The following THSD4 variants were observed in gnomAD, a reference collection of about 807,000 sequenced individuals.
THSD4 encodes the protein thrombospondin type-1 domain-containing protein 4.
A neutral mutation model predicts 119.0 loss-of-function variants in THSD4; 69 were observed. The observed-to-expected ratio is 0.58, with a 90% CI of 0.48 to 0.71. The LOEUF is 0.71. Ranked by LOEUF, THSD4 falls within the 30% of genes least tolerant of loss-of-function variation. THSD4 has a pLI of 0.00. For missense variants in THSD4, 1,393 were observed against 1,391.1 expected, an observed-to-expected ratio of 1.00 and a Z score of -0.02; for synonymous variants, 524 against 540.4, an observed-to-expected ratio of 0.97 and a Z score of 0.42.
chr15:71,782,582 C>T lies in THSD4; in HGVS notation c.*5208C>T, dbSNP rs2054014645. 6.6e-6 allele frequency: 1 copy of T among 152,220 alleles called. No individual in the cohort carries two copies. The highest frequency in any genetic ancestry group is 2.1e-4 in the South Asian group (1 of 4,834). 9.4% of individuals were successfully genotyped at this position (152,220 alleles called of 1,614,324 possible). A position where few individuals can be genotyped will look rare whatever the true frequency, so the allele number is the denominator to read the frequency against. On this transcript the variant is annotated 3_prime_UTR_variant, in exon 18 of 18. Coordinates refer to ENST00000261862, the MANE Select transcript of THSD4 (RefSeq NM_024817.3). ...GGTATTTATTTACATATGCGATCCA[C>T]ATTTGTGTGAAAGCATGTGATCATA... is the stretch of plus-strand genomic sequence containing the variant.
chr15:71,182,931 G>C (rs1204850507), intron 3 of THSD4, among the ~76,000 whole-genome samples: 1 of 151,696 alleles, frequency 6.6e-6, no homozygotes. Context: ...TTATACATTT[G>C]ATGCATGCTT....
At chr15:71,727,567 TATATATATATATATATATATACAC>T (rs1567121957) in intron 8 of THSD4, among the ~76,000 whole-genome samples, 4 of 91,954 alleles carry the variant, frequency 4.4e-5, no homozygotes, top group African/African-American at 2.2e-4. Flanking sequence ...TATATATATA[TATATATATATATATATATATACAC>T]ACACACACAC....
In THSD4 at chr15:71,590,396, A is replaced by G. The variant is rs567428700; in HGVS notation, c.1153-70134A>G. ...TGCAGCCATAAAAAGGAACATGATC[A>G]TGTCCTTTGCAGGAACACGGATGGA... is the stretch of plus-strand genomic sequence containing the variant. On this transcript the variant is annotated intron_variant, in intron 7 of 17. Transcript: ENST00000261862. Among the ~76,000 whole-genome samples the G allele has an allele frequency of 1.0e-3, 142 of 138,032 alleles. 33 individuals are homozygous for G. Among genetic ancestry groups the G allele is most frequent in the Non-Finnish European group, 1.9e-3 (114 of 60,722 alleles). The allele number at this position is 138,032 out of a possible 152,430, so 90.6% of individuals were successfully genotyped here.
chr15:71,300,618 T>G (rs908053010), intron 6 of THSD4, among the ~76,000 whole-genome samples: 2 of 152,222 alleles, frequency 1.3e-5, no homozygotes, highest in African/African-American at 4.8e-5. Context: ...TCAATCCCCC[T>G]CAAAATTATC....
intron 7 of THSD4, among the ~76,000 whole-genome samples, chr15:71,501,698 ACT>A (rs561903178): frequency 8.1e-4 from 124 of 152,184 alleles, no homozygotes; most frequent in Middle Eastern, 6.8e-3. Flanking sequence ...AATGCAAATA[ACT>A]CTTCCCACTT....
intron 3 of THSD4, among the ~76,000 whole-genome samples, chr15:71,196,663 A>G (rs1030910614): frequency 6.6e-6 from 1 of 152,092 alleles, no homozygotes; most frequent in East Asian, 1.9e-4. Context: ...GGCAATCAAG[A>G]TGGTGGCAGA....
At chr15:71,640,361 G>A (rs2050833834) in intron 7 of THSD4, among the ~76,000 whole-genome samples, 1 of 152,066 alleles carries the variant, frequency 6.6e-6, no homozygotes, top group South Asian at 2.1e-4. Flanking sequence ...GACTATAGGT[G>A]TGAGCCACTG....
chr15:71,459,406 G>GTCTCTCTCTC (rs1234322245), intron 7 of THSD4, among the ~76,000 whole-genome samples: 5 of 66,314 alleles, frequency 7.5e-5, no homozygotes, highest in Non-Finnish European at 1.6e-4. Flanking sequence ...CTCTCTCTCT[G>GTCTCTCTCTC]TCTCTCTCTC....
intron 6 of THSD4, among the ~76,000 whole-genome samples, chr15:71,384,542 G>T (rs983029255): frequency 1.3e-5 from 2 of 152,170 alleles, no homozygotes; most frequent in African/African-American, 2.4e-5. Flanking sequence ...TAAGCCAAAA[G>T]GTTAGCAGAT....
At chr15:71,229,777 C>T (rs1040143066) in intron 4 of THSD4, among the ~76,000 whole-genome samples, 1 of 152,098 alleles carries the variant, frequency 6.6e-6, no homozygotes, top group African/African-American at 2.4e-5. Context: ...AAATAACTTC[C>T]TCTAATGCAA....
intron 7 of THSD4, among the ~76,000 whole-genome samples, chr15:71,561,929 C>T (rs1157118028): frequency 2.9e-5 from 4 of 135,822 alleles, no homozygotes; most frequent in Non-Finnish European, 4.8e-5. Flanking sequence ...CAAACACTCA[C>T]TCACTCTCTC....
chr15:71,755,291 G>A (rs931359237), intron 14 of THSD4, among the ~76,000 whole-genome samples: 2 of 152,222 alleles, frequency 1.3e-5, no homozygotes, highest in African/African-American at 2.4e-5. Flanking sequence ...CAGTGGAAAG[G>A]TAAATGTTTG....
Position 71,584,632 on chromosome 15 carries a change from TG to T in THSD4, c.1153-75897del, listed in dbSNP as rs574084705. Among the ~76,000 whole-genome samples, 10 of 152,352 alleles carry T rather than the reference TG, an allele frequency of 6.6e-5. No homozygotes were observed. The East Asian group carries it at 1.9e-3, about 29-fold the overall frequency. On this transcript the variant is annotated intron_variant, in intron 7 of 17. Coordinates refer to ENST00000261862, the MANE Select transcript of THSD4 (RefSeq NM_024817.3). ...GCTAAAATGAATCTCTGATAGGCAA[TG>T]TATAGTTGATCTTGTTTTTTAATCC...
intron 7 of THSD4, among the ~76,000 whole-genome samples, chr15:71,478,358 A>G (rs1209423013): frequency 6.6e-6 from 1 of 152,192 alleles, no homozygotes; most frequent in Non-Finnish European, 1.5e-5. Flanking sequence ...ATTTATGTAA[A>G]TCTTCTTTAA....
intron 7 of THSD4, among the ~76,000 whole-genome samples, chr15:71,541,789 A>G (rs1214572518): frequency 6.6e-6 from 1 of 152,218 alleles, no homozygotes; most frequent in Non-Finnish European, 1.5e-5. Flanking sequence ...GAGCTAGCTC[A>G]GTGAGGATGG....
chr15:71,296,612 G>A (rs1253193974), intron 6 of THSD4, among the ~76,000 whole-genome samples: 1 of 152,184 alleles, frequency 6.6e-6, no homozygotes, highest in Non-Finnish European at 1.5e-5. Context: ...CGCAGCACCT[G>A]TCCTGCATTA....
intron 7 of THSD4, among the ~76,000 whole-genome samples, chr15:71,442,657 T>TGG (rs2047120524): frequency 2.6e-5 from 1 of 38,092 alleles, no homozygotes; most frequent in Non-Finnish European, 6.5e-5. Flanking sequence ...TGTGTGTGTG[T>TGG]GTGTATATAT....
intron 8 of THSD4, among the ~76,000 whole-genome samples, chr15:71,686,210 GAA>G (rs1394878462): frequency 3.3e-5 from 5 of 152,120 alleles, no homozygotes; most frequent in African/African-American, 1.2e-4. Context: ...TTCCAAAACT[GAA>G]ACTCTATACC....
chr15:71,631,955 G>A (rs541130122), intron 7 of THSD4, among the ~76,000 whole-genome samples: 1 of 152,282 alleles, frequency 6.6e-6, no homozygotes, highest in Admixed American at 6.5e-5. Context: ...GTTGTGTTTA[G>A]TTCTCAGCTT....
Sources: allele counts gnomAD v4.1 joint callset (sites outside exome capture counted in the v4.1 genomes callset), GRCh38; gene constraint gnomAD v4.1.1; transcripts MANE v1.5; gene names NCBI Gene and HGNC (gene_info 2026-07-23, HGNC 2026-07-21).